The following AMPH variants were observed in gnomAD, a reference collection of about 807,000 sequenced individuals.
The protein encoded by AMPH is amphiphysin.
Under a neutral mutation model 99.1 loss-of-function variants are expected in AMPH, and 49 were observed. The ratio of observed to expected loss-of-function variants is 0.49; its 90% CI spans 0.39 to 0.63. AMPH has a LOEUF of 0.63. AMPH is among the 20% of genes least tolerant of loss of function. AMPH has a pLI of 0.00. For synonymous variants in AMPH, 314 were observed against 317.3 expected (o/e 0.99, Z 0.11); for missense variants, 759 against 863.4 (o/e 0.88, Z 1.52).
In AMPH at chr7:38,618,235, A is replaced by G. The variant is rs1369722357; in HGVS notation, c.69+13048T>C. Reference sequence around the variant, plus strand: ...CTGATTTAAAAGAGTTGCATAGGCCAGGCGCGGTGGCTCACACCTATAATC... The same window carrying G: ...CTGATTTAAAAGAGTTGCATAGGCCGGGCGCGGTGGCTCACACCTATAATC... On this transcript the variant is annotated intron_variant, in intron 1 of 20. Coordinates refer to ENST00000356264, the MANE Select transcript of AMPH (RefSeq NM_001635.4). Among the ~76,000 whole-genome samples, 5 of 152,232 alleles carry G rather than the reference A, an allele frequency of 3.3e-5. No individual in the cohort carries two copies. In the East Asian group the frequency reaches 9.6e-4, roughly 29 times the overall value.
At chr7:38,526,257 T>C (rs1790181022) in intron 2 of AMPH, among the ~76,000 whole-genome samples, 1 of 151,702 alleles carries the variant, frequency 6.6e-6, no homozygotes, top group Non-Finnish European at 1.5e-5. Flanking sequence ...AAAATATATA[T>C]TCATGGTTTC....
Position 38,610,311 on chromosome 7 carries a change from GAAAAGAAAAGAAAAGA to G in AMPH, c.69+20956_69+20971del, listed in dbSNP as rs1562860344. Among the ~76,000 whole-genome samples the G allele has an allele frequency of 3.7e-3, 91 of 24,530 alleles. 8 individuals are homozygous for G. Among genetic ancestry groups the G allele is most frequent in the African/African-American group, 0.019 (87 of 4,660 alleles). 16.1% of individuals were successfully genotyped at this position (24,530 alleles called of 152,430 possible). On this transcript the variant is annotated intron_variant, in intron 1 of 20. Transcript: ENST00000356264. ...AAGAAAGAAAGAAAAGAAAAGAAAA[GAAAAGAAAAGAAAAGA>G]AAAGAAAAAAGAAAAGAAAAGAAAA...
At chr7:38,503,565 G>C (rs1250702135) in intron 3 of AMPH, 85 bp downstream of exon 3, 2 of 1,388,540 alleles carry the variant, frequency 1.4e-6, no homozygotes, top group African/African-American at 2.9e-5. Flanking sequence ...AAATGGCTTT[G>C]TAATTAACAC....
chr7:38,518,621 C>T (rs565242567), intron 2 of AMPH, among the ~76,000 whole-genome samples: 18 of 152,296 alleles, frequency 1.2e-4, no homozygotes, highest in Non-Finnish European at 2.5e-4. Flanking sequence ...GTCTGTCCTA[C>T]GCCTGTCCCA....
At chr7:38,492,683 C>T (rs983416355) in intron 4 of AMPH, among the ~76,000 whole-genome samples, 2 of 152,160 alleles carry the variant, frequency 1.3e-5, no homozygotes, top group Non-Finnish European at 2.9e-5. Flanking sequence ...CCTATGTTTG[C>T]ATGTGCAACT....
At chr7:38,456,089 A>C (rs750090017) in intron 11 of AMPH, among the ~76,000 whole-genome samples, 11 of 152,172 alleles carry the variant, frequency 7.2e-5, no homozygotes, top group Non-Finnish European at 1.5e-4. Context: ...AAAGGTCTGC[A>C]TCCCTCCCTG....
intron 13 of AMPH, 142 bp downstream of exon 13, chr7:38,432,047 T>G (rs1241644271): frequency 5.0e-6 from 4 of 795,762 alleles, no homozygotes; most frequent in Admixed American, 1.9e-5. Flanking sequence ...AGACTTTCAG[T>G]GGCCTAATGA....
intron 5 of AMPH, among the ~76,000 whole-genome samples, chr7:38,484,176 A>G (rs1409525432): frequency 6.6e-6 from 1 of 152,146 alleles, no homozygotes; most frequent in Non-Finnish European, 1.5e-5. Flanking sequence ...GAAGGAGAAG[A>G]CAAAAATAAT....
intron 2 of AMPH, among the ~76,000 whole-genome samples, chr7:38,530,368 A>C (rs1010327026): frequency 6.6e-6 from 1 of 152,174 alleles, no homozygotes; most frequent in African/African-American, 2.4e-5. Context: ...GGTTCATATT[A>C]CACAAAAGTT....
chr7:38,428,945 T>A, intron 14 of AMPH: 1 of 1,178,658 alleles, frequency 8.5e-7, no homozygotes, highest in Non-Finnish European at 1.1e-6. Flanking sequence ...GGTCTTCCTT[T>A]CCTATGGTAT....
At chr7:38,559,661 C>CCCTATAATATA (rs1791488861) in intron 1 of AMPH, among the ~76,000 whole-genome samples, 1 of 152,166 alleles carries the variant, frequency 6.6e-6, no homozygotes, top group African/African-American at 2.4e-5. Context: ...CTCACAAATA[C>CCCTATAATATA]CCTATAATAT....
chr7:38,586,676 TAC>T (rs1278996998), intron 1 of AMPH, among the ~76,000 whole-genome samples: 2 of 152,180 alleles, frequency 1.3e-5, no homozygotes, highest in South Asian at 2.1e-4. Context: ...AACACAAAGG[TAC>T]ACACAGTCTA....
At chr7:38,526,433 CTT>C (rs33974810) in intron 2 of AMPH, among the ~76,000 whole-genome samples, 1 of 72,566 alleles carries the variant, frequency 1.4e-5, no homozygotes, top group African/African-American at 5.9e-5. Context: ...CCATGCCCGG[CTT>C]TTTTTTTTTT....
intron 17 of AMPH, among the ~76,000 whole-genome samples, chr7:38,396,121 T>A (rs1433259916): frequency 6.6e-6 from 1 of 152,206 alleles, no homozygotes. Flanking sequence ...AGCCATGACA[T>A]ACTTCCTTCT....
intron 17 of AMPH, among the ~76,000 whole-genome samples, chr7:38,403,810 T>A (rs1290212265): frequency 6.6e-6 from 1 of 152,196 alleles, no homozygotes; most frequent in Non-Finnish European, 1.5e-5. Flanking sequence ...CCCACCATTG[T>A]GGATGCAGAG....
At chr7:38,471,912 T>C (rs1355767315) in intron 7 of AMPH, among the ~76,000 whole-genome samples, 15 of 152,012 alleles carry the variant, frequency 9.9e-5, no homozygotes, top group Non-Finnish European at 2.1e-4. Context: ...AAACAGTCAA[T>C]CCATCAAGAA....
intron 2 of AMPH, among the ~76,000 whole-genome samples, chr7:38,512,860 G>A (rs1029558097): frequency 3.9e-5 from 6 of 152,162 alleles, no homozygotes; most frequent in Admixed American, 3.9e-4. Flanking sequence ...TTAAACAAAT[G>A]TAACAAGTTT....
At chr7:38,554,718 G>A (rs1325930150) in intron 1 of AMPH, among the ~76,000 whole-genome samples, 1 of 152,206 alleles carries the variant, frequency 6.6e-6, no homozygotes, top group Non-Finnish European at 1.5e-5. Context: ...GCATTGCTGA[G>A]CTAGCAGAAA....
chr7:38,431,315 C>A (rs1786011090), intron 13 of AMPH, among the ~76,000 whole-genome samples: 1 of 152,166 alleles, frequency 6.6e-6, no homozygotes, highest in African/African-American at 2.4e-5. Context: ...AGGTAGGCAT[C>A]ATTACCCTTA....
Sources: gnomAD v4.1 joint callset for allele counts (sites outside exome capture counted in the v4.1 genomes callset) on GRCh38, gnomAD v4.1.1 for gene constraint, MANE v1.5 for transcripts, NCBI Gene and HGNC (gene_info 2026-07-23, HGNC 2026-07-21) for gene names.